Variants in CNPY1 observed in about 807,000 individuals in gnomAD.
The protein encoded by CNPY1 is protein canopy homolog 1.
A neutral mutation model predicts 14.4 loss-of-function variants in CNPY1; 14 were observed. The ratio of observed to expected loss-of-function variants is 0.97; its 90% CI spans 0.64 to 1.52. CNPY1 has a LOEUF of 1.52. Ranked by LOEUF, CNPY1 falls within the 40% of genes most tolerant of loss-of-function variation. CNPY1 has a pLI of 0.00. For missense variants in CNPY1, 129 were observed against 131.5 expected (o/e 0.98, Z 0.09); for synonymous variants, 43 against 46.5 (o/e 0.92, Z 0.31).
At chr7:155,507,166 C>A in intron 3 of CNPY1, 50 bp from the exon 4 acceptor site, 1 of 1,184,450 alleles carries the variant, frequency 8.4e-7, no homozygotes. Context: ...ACTGGCGGGG[C>A]ACTTTGTTAG....
At chr7:155,515,303 C>CG (rs1707564968) in intron 2 of CNPY1, among the ~76,000 whole-genome samples, 1 of 129,190 alleles carries the variant, frequency 7.7e-6, no homozygotes. Context: ...CGCCCCCCCC[C>CG]CCCCCGGCCC....
At chr7:155,544,665 T>A (rs922623836) in intron 2 of CNPY1, among the ~76,000 whole-genome samples, 2 of 152,132 alleles carry the variant, frequency 1.3e-5, no homozygotes, top group Non-Finnish European at 2.9e-5. Flanking sequence ...TGGAGGCACA[T>A]GTCCTGCATT....
chr7:155,517,379 A>G (rs1286621264), intron 2 of CNPY1, among the ~76,000 whole-genome samples: 1 of 152,242 alleles, frequency 6.6e-6, no homozygotes, highest in African/African-American at 2.4e-5. Context: ...CTCCAGAGCC[A>G]TGCAAGAATG....
In CNPY1 at chr7:155,515,402, G is replaced by A. The variant is rs148179862; in HGVS notation, c.100-6305C>T. Among the ~76,000 whole-genome samples the A allele has an allele frequency of 4.1e-3, 616 of 150,174 alleles. 5 individuals carry two copies. Among genetic ancestry groups the A allele is most frequent in the African/African-American group, 0.014 (584 of 41,002 alleles). On this transcript the variant is annotated intron_variant, in intron 2 of 4. Coordinates refer to ENST00000636446, the MANE Select transcript of CNPY1 (RefSeq NM_001393663.1). ...CCTCCCAGACCACCAGGCCATGTCT[G>A]AAGCCACACCTGGAGAGCTGCTGCA...
chr7:155,517,530 A>G (rs1251468837), intron 2 of CNPY1, among the ~76,000 whole-genome samples: 3 of 152,210 alleles, frequency 2.0e-5, no homozygotes, highest in African/African-American at 7.2e-5. Flanking sequence ...CACCAAGAAC[A>G]GGTGACTCCA....
intron 2 of CNPY1, among the ~76,000 whole-genome samples, chr7:155,526,910 C>T (rs754840706): frequency 2.6e-5 from 4 of 152,108 alleles, no homozygotes; most frequent in African/African-American, 9.7e-5. Flanking sequence ...TGCAGCACCA[C>T]GGAGGCTGCA....
intron 2 of CNPY1, among the ~76,000 whole-genome samples, chr7:155,541,085 T>C (rs2116758396): frequency 6.6e-6 from 1 of 152,200 alleles, no homozygotes; most frequent in Non-Finnish European, 1.5e-5. Context: ...AGTGAAGACA[T>C]CCCACCTACG....
intron 2 of CNPY1, among the ~76,000 whole-genome samples, chr7:155,511,142 C>T (rs1480351009): frequency 1.3e-5 from 2 of 152,186 alleles, no homozygotes; most frequent in Admixed American, 6.5e-5. Flanking sequence ...CTCCCCCACT[C>T]TCGTTTCCCA....
intron 2 of CNPY1, among the ~76,000 whole-genome samples, chr7:155,517,683 G>C (rs904425673): frequency 4.6e-5 from 7 of 152,194 alleles, no homozygotes; most frequent in African/African-American, 1.7e-4. Context: ...ACGGCAAAGT[G>C]GGGGCACTGG....
intron 2 of CNPY1, among the ~76,000 whole-genome samples, chr7:155,516,877 G>T (rs1368502839): frequency 6.6e-6 from 1 of 152,204 alleles, no homozygotes; most frequent in Admixed American, 6.5e-5. Flanking sequence ...AAGCCCTTAG[G>T]TTGGGCTGAG....
intron 4 of CNPY1, among the ~76,000 whole-genome samples, chr7:155,505,286 T>C (rs981001917): frequency 2.6e-5 from 4 of 152,204 alleles, no homozygotes; most frequent in African/African-American, 7.2e-5. Flanking sequence ...TTTACACCTT[T>C]TACTTCCAGT....
intron 2 of CNPY1, among the ~76,000 whole-genome samples, chr7:155,533,092 A>G (rs1478888941): frequency 6.6e-6 from 1 of 152,214 alleles, no homozygotes; most frequent in African/African-American, 2.4e-5. Flanking sequence ...AGGATCTTCT[A>G]TTGCAGTTAG....
chr7:155,523,445 G>C (rs548856900), intron 2 of CNPY1, among the ~76,000 whole-genome samples: 1 of 152,218 alleles, frequency 6.6e-6, no homozygotes, highest in Non-Finnish European at 1.5e-5. Flanking sequence ...CTGGAGGGAA[G>C]GGCACACTGC....
intron 4 of CNPY1, among the ~76,000 whole-genome samples, chr7:155,504,689 AACACAC>A (rs61377945): frequency 0.022 from 3,229 of 145,250 alleles, 52 homozygotes; most frequent in Admixed American, 0.029. Flanking sequence ...CATACCCCCC[AACACAC>A]ACACACACAC....
At chr7:155,532,715 A>G (rs548584035) in intron 2 of CNPY1, among the ~76,000 whole-genome samples, 1 of 151,818 alleles carries the variant, frequency 6.6e-6, no homozygotes, top group South Asian at 2.1e-4. Flanking sequence ...TTTTTTTTCA[A>G]TCAAATCCAA....
Position 155,508,953 on chromosome 7 carries a change from A to G in CNPY1, c.244T>C (p.Tyr82His), listed in dbSNP as rs764294481. The G allele has an allele frequency of 3.1e-6, 5 of 1,613,754 alleles. No homozygotes were observed. In the South Asian group the frequency reaches 5.5e-5, roughly 18 times the overall value. The change falls in exon 3 of 5, where the codon TAC becomes CAC. Residue 82 changes from tyrosine to histidine, a missense_variant. Tyr to His is a moderately conservative substitution (Grantham distance 83). Coordinates refer to ENST00000636446, the MANE Select transcript of CNPY1 (RefSeq NM_001393663.1). The stretch of plus-strand genomic sequence containing the variant: ...AAATACAATTTTTTAAATTCTTGGT[A>G]TATTTTGTCTCCTTTCCTAGGAGCG... The part of the protein sequence containing the change: ...RFAPRKGDKI[Y>H]QEFKKLYFYS...
At chr7:155,503,520 G>A (rs1796190965) in intron 4 of CNPY1, among the ~76,000 whole-genome samples, 1 of 152,058 alleles carries the variant, frequency 6.6e-6, no homozygotes, top group South Asian at 2.1e-4. Context: ...CCAGTTGGAA[G>A]CAATTAATGC....
At chr7:155,517,281 A>AG (rs35054373) in intron 2 of CNPY1, among the ~76,000 whole-genome samples, 3,084 of 152,288 alleles carry the variant, frequency 0.02, 59 homozygotes, top group Middle Eastern at 0.041. Flanking sequence ...CGGCCATGTG[A>AG]GGACGCAGAG....
At chr7:155,520,428 C>CTTTTTTTT (rs71522007) in intron 2 of CNPY1, among the ~76,000 whole-genome samples, 108 of 69,436 alleles carry the variant, frequency 1.6e-3, no homozygotes, top group Non-Finnish European at 1.9e-3. Context: ...TTCTTTCTTT[C>CTTTTTTTT]TTTTTTTTTT....
Sources: gnomAD v4.1 joint callset for allele counts (sites outside exome capture counted in the v4.1 genomes callset) on GRCh38, gnomAD v4.1.1 for gene constraint, MANE v1.5 for transcripts, NCBI Gene and HGNC (gene_info 2026-07-23, HGNC 2026-07-21) for gene names.